Variants in ACTR3C observed in about 807,000 individuals in gnomAD.
ACTR3C encodes the protein actin-related protein 3C.
ACTR3C carries 18 observed loss-of-function variants against 26.3 expected under a neutral mutation model. The ratio of observed to expected loss-of-function variants is 0.68; its 90% confidence interval spans 0.47 to 1.01. The LOEUF (loss-of-function observed/expected upper bound fraction) is 1.01. Among genes scored for constraint, ACTR3C ranks in the 50% least tolerant of loss-of-function variants. ACTR3C has a pLI of 0.00. For missense variants in ACTR3C, 184 were observed against 250.7 expected, an observed-to-expected ratio of 0.73 and a Z score of 1.80; for synonymous variants, 55 against 94.5, an observed-to-expected ratio of 0.58 and a Z score of 2.42.
At chr7:150,318,514 A>G (rs1797167544) in intron 1 of ACTR3C, among the ~76,000 whole-genome samples, 1 of 152,228 alleles carries the variant, frequency 6.6e-6, no homozygotes, top group African/African-American at 2.4e-5. Flanking sequence ...CTGTAATCCC[A>G]GCACTTTGGG....
chr7:150,194,445 C>T, the ACTR3C span, among the ~76,000 whole-genome samples: 100 of 148,426 alleles, frequency 6.7e-4, no homozygotes, highest in South Asian at 0.021. Context: ...TTCTTTTAAC[C>T]TATCTAAATC....
chr7:150,059,009 T>G, the ACTR3C span, among the ~76,000 whole-genome samples: 1 of 152,206 alleles, frequency 6.6e-6, no homozygotes, highest in South Asian at 2.1e-4. Flanking sequence ...ATGCAGGTAC[T>G]GAACTAAAAC....
chr7:150,268,278 A>G (rs1217982716), intron 6 of ACTR3C, among the ~76,000 whole-genome samples: 1 of 148,174 alleles, frequency 6.7e-6, no homozygotes, highest in Non-Finnish European at 1.5e-5. Context: ...CAGGAAAACA[A>G]TATGCACTAT....
chr7:150,079,046 A>G, the ACTR3C span, among the ~76,000 whole-genome samples: 5 of 152,206 alleles, frequency 3.3e-5, no homozygotes, highest in South Asian at 1.0e-3. Flanking sequence ...CCCCACATAC[A>G]CAGGGGATAA....
At chr7:150,191,601 C>G in the ACTR3C span, among the ~76,000 whole-genome samples, 2 of 152,064 alleles carry the variant, frequency 1.3e-5, no homozygotes, top group Admixed American at 1.3e-4. Context: ...AGTTCTAGAA[C>G]ATGTTTTGTG....
chr7:149,895,596 A>C, the ACTR3C span, among the ~76,000 whole-genome samples: 1 of 152,114 alleles, frequency 6.6e-6, no homozygotes, highest in Non-Finnish European at 1.5e-5. Flanking sequence ...GAGACTCACG[A>C]GGCTAAGGCA....
intron 4 of ACTR3C, among the ~76,000 whole-genome samples, chr7:150,287,424 C>G (rs1835877587): frequency 6.6e-6 from 1 of 152,170 alleles, no homozygotes; most frequent in Non-Finnish European, 1.5e-5. Context: ...CGACAGGCAG[C>G]CTGAGGGATG....
At chr7:149,973,770 G>A in the ACTR3C span, among the ~76,000 whole-genome samples, 1 of 151,538 alleles carries the variant, frequency 6.6e-6, no homozygotes. Context: ...GCCAGTCCAG[G>A]TGTCCGACCC....
At chr7:150,041,789 C>T in the ACTR3C span, among the ~76,000 whole-genome samples, 61 of 81,428 alleles carry the variant, frequency 7.5e-4, no homozygotes, top group African/African-American at 2.0e-3. Context: ...CCCTGCCTCG[C>T]GGGGGGTGCC....
the ACTR3C span, among the ~76,000 whole-genome samples, chr7:150,046,032 ATCTG>A: frequency 3.0e-3 from 460 of 152,332 alleles, 3 homozygotes; most frequent in South Asian, 0.033. Flanking sequence ...TGACTGAAGG[ATCTG>A]TCTATTTCCC....
chr7:149,971,187 C>T, the ACTR3C span, among the ~76,000 whole-genome samples: 2 of 152,188 alleles, frequency 1.3e-5, no homozygotes, highest in Non-Finnish European at 2.9e-5. Context: ...GCAATGTGAA[C>T]CCATTATCTT....
chr7:150,015,863 T>C, the ACTR3C span, among the ~76,000 whole-genome samples: 5 of 152,224 alleles, frequency 3.3e-5, no homozygotes, highest in Non-Finnish European at 5.9e-5. Flanking sequence ...AGGAGCATTC[T>C]GGTAGTGTAT....
At chr7:150,223,497 T>C in the ACTR3C span, among the ~76,000 whole-genome samples, 1 of 151,978 alleles carries the variant, frequency 6.6e-6, no homozygotes, top group Non-Finnish European at 1.5e-5. Context: ...TTTGTTTGTT[T>C]GTTTTTAGAA....
chr7:150,211,909 T>C, the ACTR3C span, among the ~76,000 whole-genome samples: 1 of 146,936 alleles, frequency 6.8e-6, no homozygotes. Context: ...AATATGAACT[T>C]GTTCTGCTGT....
chr7:150,068,620 T>TCCA, the ACTR3C span, among the ~76,000 whole-genome samples: 2 of 61,496 alleles, frequency 3.3e-5, no homozygotes, highest in Admixed American at 3.4e-4. Context: ...CTACTAAAAA[T>TCCA]ACAAAAAAAA....
chr7:149,921,366 C>T, the ACTR3C span, among the ~76,000 whole-genome samples: 1 of 152,108 alleles, frequency 6.6e-6, no homozygotes, highest in Non-Finnish European at 1.5e-5. Flanking sequence ...TTGATCCTCA[C>T]ATCAGTGATT....
intron 1 of ACTR3C, among the ~76,000 whole-genome samples, chr7:150,312,975 A>T (rs1796457571): frequency 6.6e-6 from 1 of 152,130 alleles, no homozygotes; most frequent in East Asian, 1.9e-4. Flanking sequence ...CAACCTTATG[A>T]CATTCCACCA....
chr7:150,035,148 T>TC, the ACTR3C span, among the ~76,000 whole-genome samples: 6 of 115,010 alleles, frequency 5.2e-5, no homozygotes, highest in African/African-American at 1.6e-4. Flanking sequence ...GGATCAACGA[T>TC]GGGGGTCCTA....
the ACTR3C span, among the ~76,000 whole-genome samples, chr7:150,071,360 G>A: frequency 6.8e-6 from 1 of 147,494 alleles, no homozygotes; most frequent in Non-Finnish European, 1.5e-5. Flanking sequence ...TCCTGACCTC[G>A]TGATCCACCC....
Sources: allele counts gnomAD v4.1 joint callset (sites outside exome capture counted in the v4.1 genomes callset), GRCh38; gene constraint gnomAD v4.1.1; transcripts MANE v1.5; gene names NCBI Gene and HGNC (gene_info 2026-07-23, HGNC 2026-07-21).